The following SHKBP1 variants were observed in gnomAD, a reference collection of about 807,000 sequenced individuals.
SHKBP1 encodes the protein SH3KBP1-binding protein 1.
Under a neutral mutation model 83.9 loss-of-function variants are expected in SHKBP1, and 71 were observed. The observed-to-expected ratio is 0.85, with a 90% confidence interval of 0.70 to 1.03. SHKBP1 has a LOEUF of 1.03. Among genes scored for constraint, SHKBP1 ranks in the 50% least tolerant of loss-of-function variants. SHKBP1 has a pLI of 0.00. For missense variants in SHKBP1, 824 were observed against 982.4 expected, an observed-to-expected ratio of 0.84 and a Z score of 2.16; for synonymous variants, 371 against 398.0, an observed-to-expected ratio of 0.93 and a Z score of 0.81.
In SHKBP1 at chr19:40,591,341, C is replaced by A; in HGVS notation, c.*134C>A. ...AATGGTTATTGTTACTAGGTCCCCA[C>A]CTTCCCTCTTTTCTGGAAGCCAAAG... On this transcript the variant is annotated 3_prime_UTR_variant, in exon 18 of 18. Transcript: ENST00000291842. 1.4e-6 allele frequency: 1 copy of A among 721,382 alleles called. No individual in the cohort carries two copies. Among genetic ancestry groups the A allele is most frequent in the Non-Finnish European group, 2.1e-6 (1 of 468,118 alleles). The allele number at this position is 721,382 out of a possible 1,614,324, so 44.7% of individuals were successfully genotyped here. A position where few individuals can be genotyped will look rare whatever the true frequency, so the allele number is the denominator to read the frequency against.
chr19:40,582,371 C>A lies in SHKBP1; in HGVS notation c.865C>A (p.Pro289Thr). 2 of 1,614,090 alleles carry A rather than the reference C, an allele frequency of 1.2e-6. No individual in the cohort carries two copies. Among genetic ancestry groups the A allele is most frequent in the Non-Finnish European group, 1.7e-6 (2 of 1,180,002 alleles). The change falls in exon 10 of 18, where the codon CCT becomes ACT. Residue 289 changes from proline (P) to threonine (T), a missense_variant. Transcript: ENST00000291842. ...TGCAGGGGTCTTTCATCTGGGGGTGCCTGTGGAGGCCTTGTTCTTCGTCGG... is the reference window on the plus strand; with the variant it reads ...TGCAGGGGTCTTTCATCTGGGGGTGACTGTGGAGGCCTTGTTCTTCGTCGG... ...SEIGVFHLGV[P>T]VEALFFVGNQ...
At chr19:40,580,256 T>G (rs1423380601) in intron 6 of SHKBP1, 68 bp from the exon 7 acceptor site, 2 of 1,544,976 alleles carry the variant, frequency 1.3e-6, no homozygotes, top group Non-Finnish European at 1.8e-6. Flanking sequence ...ACCGTCATAT[T>G]TTAAGTGCTT....
chr19:40,580,041 A>AC (rs2081254202), intron 6 of SHKBP1: 1 of 269,232 alleles, frequency 3.7e-6, no homozygotes, highest in Non-Finnish European at 7.1e-6. Context: ...CAAAAAAAAA[A>AC]AAAAAAAAAA....
intron 10 of SHKBP1, 129 bp downstream of exon 10, chr19:40,582,595 C>T (rs955763069): frequency 2.7e-6 from 2 of 739,198 alleles, no homozygotes; most frequent in Admixed American, 5.7e-5. Context: ...CAGCAGCTGG[C>T]CAGAGCCTGG....
chr19:40,588,576 T>C (rs757656153), intron 13 of SHKBP1, 48 bp from the exon 14 acceptor site: 2 of 1,609,926 alleles, frequency 1.2e-6, no homozygotes, highest in South Asian at 1.1e-5. Context: ...GCAGGCAGCA[T>C]TGATGCCTGC....
intron 7 of SHKBP1, 29 bp from the exon 8 acceptor site, chr19:40,580,537 C>A (rs773781127): frequency 9.9e-6 from 16 of 1,614,008 alleles, no homozygotes; most frequent in Middle Eastern, 1.6e-4. Flanking sequence ...CCCTGTGACC[C>A]TCTTCTGATC....
intron 12 of SHKBP1, among the ~76,000 whole-genome samples, chr19:40,585,010 C>G: frequency 6.6e-6 from 1 of 152,120 alleles, no homozygotes; most frequent in African/African-American, 2.4e-5. Flanking sequence ...AAGATCTTCT[C>G]CTGAATTTCT....
chr19:40,591,149 G>T lies in SHKBP1; in HGVS notation c.2066G>T (p.Ser689Ile). Residue 689 changes from serine (S) to isoleucine (I), a missense_variant, in exon 18 of 18, where the codon AGC (serine) becomes ATC (isoleucine). Physicochemically the swap from Ser to Ile is moderately radical, Grantham distance 142 (BLOSUM62 -2). Coordinates refer to ENST00000291842, the MANE Select transcript of SHKBP1 (RefSeq NM_138392.4). ...RPPTPAPWPSSGLGTPLTPPK... is the reference protein window; with the variant it reads ...RPPTPAPWPSIGLGTPLTPPK... Reference sequence around the variant, plus strand: ...CCCACACCAGCCCCGTGGCCCTCCAGCGGTCTCGGCACTCCCCTCACACCT... The same window carrying T: ...CCCACACCAGCCCCGTGGCCCTCCATCGGTCTCGGCACTCCCCTCACACCT... The T allele has an allele frequency of 6.2e-7, 1 of 1,604,502 alleles. No individual in the cohort carries two copies. The highest frequency in any genetic ancestry group is 8.5e-7 in the Non-Finnish European group (1 of 1,172,294).
In SHKBP1 at chr19:40,590,718, C is replaced by T. The variant is rs1011136342; in HGVS notation, c.1769-12C>T. The T allele has an allele frequency of 7.0e-6, 11 of 1,573,590 alleles. No homozygotes were observed. Among genetic ancestry groups the T allele is most frequent in the South Asian group, 4.6e-5 (4 of 87,032 alleles). ...CTGTCTTGCCCCCTGACCCTGCTTC[C>T]GTGCCCCCCAGCAGGTGGCCTGACG... On this transcript the variant is annotated splice_polypyrimidine_tract_variant and intron_variant, in intron 16 of 17. Coordinates refer to ENST00000291842, the MANE Select transcript of SHKBP1 (RefSeq NM_138392.4). The surrounding 1 kb of genome is among the most constrained non-coding windows in gnomAD (Gnocchi z 4.6).
Position 40,580,498 on chromosome 19 carries a change from C to T in SHKBP1, c.562+13C>T. The T allele has an allele frequency of 6.2e-7, 1 of 1,613,532 alleles. No individual in the cohort carries two copies. Among genetic ancestry groups the T allele is most frequent in the Non-Finnish European group, 8.5e-7 (1 of 1,179,610 alleles). On this transcript the variant is annotated intron_variant, in intron 7 of 17. Coordinates refer to ENST00000291842, the MANE Select transcript of SHKBP1 (RefSeq NM_138392.4). ...CCCTCACCCTCAGGTACGTTTCTAT[C>T]TCGTGGAAGGTTGGGGCAGCTGTGG...
chr19:40,586,951 C>T lies in SHKBP1; in HGVS notation c.1336+7C>T. 1 of 1,587,500 alleles carries T rather than the reference C, an allele frequency of 6.3e-7. No individual in the cohort carries two copies. ...GAGAAGCACCTCATCTCAGGTGAGC[C>T]TCTGTGGGGTGCTCCAGTGCTGGGA... On this transcript the variant is annotated splice_region_variant and intron_variant, in intron 13 of 17. Transcript: ENST00000291842.
At position 40,591,118 on chromosome 19, in the gene SHKBP1, C is replaced by T. The variant is rs755550467; in HGVS notation, c.2035C>T (p.Arg679Trp). ...ELVRSGPDLR[R>W]PPTPAPWPSS... ...GGTGCGGAGTGGGCCAGACCTCCGA[C>T]GGCCACCCACACCAGCCCCGTGGCC... The change falls in exon 18 of 18, where the codon CGG becomes TGG. Residue 679 changes from arginine to tryptophan, a missense_variant. Around this residue, in one of 3 missense-constraint regions of SHKBP1, gnomAD observed 287 missense variants for 322.9 expected, o/e 0.89. Coordinates refer to ENST00000291842, the MANE Select transcript of SHKBP1 (RefSeq NM_138392.4). The T allele has an allele frequency of 1.6e-5, 25 of 1,609,018 alleles. No individual in the cohort carries two copies. Among genetic ancestry groups the T allele is most frequent in the Non-Finnish European group, 2.1e-5 (25 of 1,176,090 alleles).
chr19:40,576,895 G>A lies in SHKBP1; in HGVS notation c.-5G>A, dbSNP rs911054769. ...GGTGCGGGCCAGCCGGCTCGCCCGGGGGCCATGGCAGCAGCGGCTACTGCA... is the reference window on the plus strand; with the variant it reads ...GGTGCGGGCCAGCCGGCTCGCCCGGAGGCCATGGCAGCAGCGGCTACTGCA... On this transcript the variant is annotated 5_prime_UTR_variant, in exon 1 of 18. Coordinates refer to ENST00000291842, the MANE Select transcript of SHKBP1 (RefSeq NM_138392.4). 8 of 1,456,596 alleles carry A rather than the reference G, an allele frequency of 5.5e-6. No individual in the cohort carries two copies. In the South Asian group the frequency reaches 8.6e-5, roughly 16 times the overall value. 90.2% of individuals were successfully genotyped at this position (1,456,596 alleles called of 1,614,324 possible).
At chr19:40,581,911 T>C (rs418007) in intron 9 of SHKBP1, among the ~76,000 whole-genome samples, 31,730 of 151,132 alleles carry the variant, frequency 0.21, 3,484 homozygotes, top group East Asian at 0.25. Flanking sequence ...CTCTAATTCC[T>C]GCTGGAATCT....
At chr19:40,587,911 A>G (rs1287946224) in intron 13 of SHKBP1, among the ~76,000 whole-genome samples, 1 of 152,196 alleles carries the variant, frequency 6.6e-6, no homozygotes, top group Non-Finnish European at 1.5e-5. Flanking sequence ...CTCATAAAAT[A>G]TTAATAAAAT....
intron 9 of SHKBP1, 46 bp from the exon 10 acceptor site, chr19:40,582,304 TC>T (rs763305461): frequency 1.1e-5 from 17 of 1,479,034 alleles, no homozygotes; most frequent in Admixed American, 6.7e-5. Flanking sequence ...CCACCTCTCC[TC>T]CTCCATGAGG....
chr19:40,590,835 C>T lies in SHKBP1; in HGVS notation c.1874C>T (p.Pro625Leu), dbSNP rs781546641. ...TGGGGCTGTCTCCCCAGCCCCTCAC[C>T]CCGCATCTCCCTCACCAGGTAGCCA... ...PSWGCLPSPSPRISLTSLHSA... is the reference protein window; with the variant it reads ...PSWGCLPSPSLRISLTSLHSA... The change falls in exon 17 of 18, where the codon CCC (proline) becomes CTC (leucine). Residue 625 changes from proline to leucine, a missense_variant. Around this residue, in one of 3 missense-constraint regions of SHKBP1, gnomAD observed 287 missense variants for 322.9 expected, o/e 0.89. Transcript: ENST00000291842. The surrounding 1 kb of genome is among the most constrained non-coding windows in gnomAD (Gnocchi z 4.6). 1.9e-6 allele frequency: 3 copies of T among 1,585,952 alleles called. No individual in the cohort carries two copies. The African/African-American group carries it at 4.0e-5, about 21-fold the overall frequency.
In SHKBP1 at chr19:40,590,394, C is replaced by T. The variant is rs569596701; in HGVS notation, c.1740C>T (p.Thr580=). ...NGSLAMWDLT[T]AMDGLGQAPA... The stretch of plus-strand genomic sequence containing the variant: ...GCTTGGCCATGTGGGACCTAACCAC[C>T]GCCATGGACGGCCTCGGCCAGGCCC... The change falls in exon 16 of 18, where the codon ACC becomes ACT. Residue 580 remains threonine, a synonymous_variant. Transcript: ENST00000291842. The surrounding 1 kb of genome is among the most constrained non-coding windows in gnomAD (Gnocchi z 4.6). 3.8e-5 allele frequency: 61 copies of T among 1,610,802 alleles called. No individual in the cohort carries two copies. Among genetic ancestry groups the T allele is most frequent in the South Asian group, 9.9e-5 (9 of 90,844 alleles).
chr19:40,582,211 T>G, intron 9 of SHKBP1, 140 bp from the exon 10 acceptor site: 1 of 710,176 alleles, frequency 1.4e-6, no homozygotes, highest in Non-Finnish European at 2.5e-6. Flanking sequence ...TGTGAGCCAC[T>G]GTGCCCAGCC....
Sources: gnomAD v4.1 joint callset for allele counts (sites outside exome capture counted in the v4.1 genomes callset) on GRCh38, gnomAD v4.1.1 for gene constraint, gnomAD v4.1.1 regional missense constraint, Gnocchi (gnomAD v3.1) non-coding constraint, MANE v1.5 for transcripts, NCBI Gene and HGNC (gene_info 2026-07-23, HGNC 2026-07-21) for gene names.